Variants in NEK11 observed in about 807,000 individuals in gnomAD.
NEK11 encodes the protein NIMA related kinase 11.
In NEK11, 72 loss-of-function variants were observed where a neutral mutation model predicts 80.7. That is an observed-to-expected ratio of 0.89 (90% CI 0.74 to 1.08). The LOEUF is 1.08. Ranked by LOEUF, NEK11 falls within the 50% of genes least tolerant of loss-of-function variation. NEK11 has a pLI of 0.00. For missense variants in NEK11, 764 were observed against 763.6 expected, an observed-to-expected ratio of 1.00 and a Z score of -0.01; for synonymous variants, 251 against 260.7, an observed-to-expected ratio of 0.96 and a Z score of 0.36.
chr3:131,048,941 G>C (rs1323480754), intron 3 of NEK11, among the ~76,000 whole-genome samples: 2 of 152,190 alleles, frequency 1.3e-5, no homozygotes, highest in African/African-American at 4.8e-5. Flanking sequence ...GCATTGAGAC[G>C]CTGGCACCTG....
intron 17 of NEK11, among the ~76,000 whole-genome samples, chr3:131,298,596 T>C (rs1211948669): frequency 6.6e-6 from 1 of 152,186 alleles, no homozygotes; most frequent in Non-Finnish European, 1.5e-5. Context: ...TTATCTTTGT[T>C]CCTATATAGG....
chr3:131,279,012 A>G (rs2096351772), intron 17 of NEK11, among the ~76,000 whole-genome samples: 1 of 151,888 alleles, frequency 6.6e-6, no homozygotes, highest in Non-Finnish European at 1.5e-5. Context: ...CTTAATAAAA[A>G]TCAAATATTA....
At chr3:131,121,427 G>A (rs376892373) in intron 5 of NEK11, among the ~76,000 whole-genome samples, 6 of 152,216 alleles carry the variant, frequency 3.9e-5, no homozygotes, top group East Asian at 1.9e-4. Flanking sequence ...TAGGCTACTC[G>A]GGGCTCAGGG....
At chr3:131,207,835 G>C (rs1343502062) in intron 14 of NEK11, among the ~76,000 whole-genome samples, 2 of 152,118 alleles carry the variant, frequency 1.3e-5, no homozygotes, top group Non-Finnish European at 2.9e-5. Flanking sequence ...TTGTAAATTT[G>C]TTTAAGTTCT....
intron 4 of NEK11, among the ~76,000 whole-genome samples, chr3:131,089,541 T>G (rs1237273367): frequency 1.3e-5 from 2 of 152,148 alleles, no homozygotes; most frequent in Non-Finnish European, 2.9e-5. Flanking sequence ...TAGGTTCAAG[T>G]GATCCTCCTA....
At chr3:131,076,877 T>C (rs562903293) in intron 3 of NEK11, among the ~76,000 whole-genome samples, 2 of 152,376 alleles carry the variant, frequency 1.3e-5, no homozygotes, top group South Asian at 4.1e-4. Flanking sequence ...GTTTGACTCA[T>C]ATTTCTGTAG....
intron 16 of NEK11, among the ~76,000 whole-genome samples, chr3:131,270,405 G>A (rs1361851769): frequency 6.6e-6 from 1 of 152,102 alleles, no homozygotes; most frequent in Non-Finnish European, 1.5e-5. Flanking sequence ...TACTAAAGAA[G>A]AATCTGCATT....
At chr3:131,307,025 C>G (rs1040972835) in intron 17 of NEK11, among the ~76,000 whole-genome samples, 1 of 152,138 alleles carries the variant, frequency 6.6e-6, no homozygotes, top group Non-Finnish European at 1.5e-5. Flanking sequence ...GTCCTCACCT[C>G]TCTAATGGAT....
Position 131,243,446 on chromosome 3 carries a change from T to C in NEK11, c.1571T>C (p.Ile524Thr). 6.2e-7 allele frequency: 1 copy of C among 1,612,888 alleles called. No homozygotes were observed. Among genetic ancestry groups the C allele is most frequent in the Non-Finnish European group, 8.5e-7 (1 of 1,179,252 alleles). ...AYRTNQQDSD[I>T]EALARCLENV... ...CCCTTATTTTGACAGGACAGTGATA[T>C]CGAAGCGTTGGCCAGGTGTTTGGAA... Residue 524 changes from isoleucine (I) to threonine (T), a missense_variant, in exon 16 of 18, where the codon ATC (isoleucine) becomes ACC (threonine). Physicochemically the swap from Ile to Thr is moderately conservative, Grantham distance 89. Coordinates refer to ENST00000383366, the MANE Select transcript of NEK11 (RefSeq NM_024800.5).
intron 3 of NEK11, among the ~76,000 whole-genome samples, chr3:131,031,638 G>A (rs2064862360): frequency 6.6e-6 from 1 of 152,130 alleles, no homozygotes; most frequent in Non-Finnish European, 1.5e-5. Flanking sequence ...AGTCAGCGGG[G>A]AAGAGAGAGA....
At chr3:131,331,558 T>C (rs2097082922) in intron 17 of NEK11, among the ~76,000 whole-genome samples, 1 of 152,206 alleles carries the variant, frequency 6.6e-6, no homozygotes, top group Non-Finnish European at 1.5e-5. Context: ...TTTCTGCATT[T>C]CCATCTGAGG....
At chr3:131,091,813 A>G (rs1032223388) in intron 4 of NEK11, among the ~76,000 whole-genome samples, 4 of 152,384 alleles carry the variant, frequency 2.6e-5, no homozygotes, top group Non-Finnish European at 4.4e-5. Flanking sequence ...AATTTCTTGA[A>G]TTGGGCAAAC....
At chr3:131,180,512 T>C (rs777179800) in intron 14 of NEK11, among the ~76,000 whole-genome samples, 26 of 152,286 alleles carry the variant, frequency 1.7e-4, no homozygotes, top group Middle Eastern at 3.4e-3. Context: ...ACAAAAACAA[T>C]ATTTTATTTA....
Position 131,029,761 on chromosome 3 carries a change from C to A in NEK11, c.53C>A (p.Ser18Tyr). The change falls in exon 3 of 18, where the codon TCC becomes TAC. Residue 18 changes from serine to tyrosine, a missense_variant. Coordinates refer to ENST00000383366, the MANE Select transcript of NEK11 (RefSeq NM_024800.5). Reference sequence around the variant, plus strand: ...TGTGTGAGTGGATCAACAGCCATTTCCACTTATCCAAAGACCTTGATTGCA... The same window carrying A: ...TGTGTGAGTGGATCAACAGCCATTTACACTTATCCAAAGACCTTGATTGCA... ...AKCVSGSTAI[S>Y]TYPKTLIARR... 4 of 1,614,140 alleles carry A rather than the reference C, an allele frequency of 2.5e-6. No individual in the cohort carries two copies. The highest frequency in any genetic ancestry group is 3.4e-6 in the Non-Finnish European group (4 of 1,180,002).
intron 3 of NEK11, among the ~76,000 whole-genome samples, chr3:131,045,279 T>A (rs1268625304): frequency 6.6e-6 from 1 of 152,222 alleles, no homozygotes; most frequent in Non-Finnish European, 1.5e-5. Flanking sequence ...ACTTTTTGAT[T>A]TGGGCATTTA....
chr3:131,124,640 C>T (rs1412645138), intron 5 of NEK11, among the ~76,000 whole-genome samples: 2 of 152,038 alleles, frequency 1.3e-5, no homozygotes, highest in Non-Finnish European at 2.9e-5. Context: ...CCAAGAGAAC[C>T]CCAAGAGTAG....
At chr3:131,204,760 T>A (rs926869506) in intron 14 of NEK11, among the ~76,000 whole-genome samples, 39 of 152,068 alleles carry the variant, frequency 2.6e-4, no homozygotes, top group African/African-American at 9.4e-4. Flanking sequence ...AATTTTCTAG[T>A]GGAAGGACTT....
At chr3:131,063,091 C>T (rs1478891972) in intron 3 of NEK11, among the ~76,000 whole-genome samples, 2 of 152,208 alleles carry the variant, frequency 1.3e-5, no homozygotes, top group Non-Finnish European at 2.9e-5. Flanking sequence ...GTGGCACAAT[C>T]ACTGCTCACT....
At chr3:131,292,515 C>CTTT (rs60196110) in intron 17 of NEK11, among the ~76,000 whole-genome samples, 1 of 136,252 alleles carries the variant, frequency 7.3e-6, no homozygotes. Context: ...GAACTAACAT[C>CTTT]TTTTTTTTTT....
Sources: gnomAD v4.1 joint callset for allele counts (sites outside exome capture counted in the v4.1 genomes callset) on GRCh38, gnomAD v4.1.1 for gene constraint, MANE v1.5 for transcripts, NCBI Gene and HGNC (gene_info 2026-07-23, HGNC 2026-07-21) for gene names.